The following COBLL1 variants were observed in gnomAD, a reference collection of about 807,000 sequenced individuals.
COBLL1 encodes the protein cordon-bleu WH2 repeat protein like 1, also known as cordon-bleu protein-like 1.
A neutral mutation model predicts 94.8 loss-of-function variants in COBLL1; 50 were observed. That is an observed-to-expected ratio of 0.53 (90% CI 0.42 to 0.67). The LOEUF (loss-of-function observed/expected upper bound fraction) is 0.67. Among genes scored for constraint, COBLL1 ranks in the 30% least tolerant of loss-of-function variants. The probability of loss-of-function intolerance (pLI) is 0.00; values close to 1 mark genes in which losing one functional copy is unlikely to be tolerated. For missense variants in COBLL1, 1,362 were observed against 1,348.7 expected, an observed-to-expected ratio of 1.01 and a Z score of -0.15; for synonymous variants, 448 against 473.8, an observed-to-expected ratio of 0.95 and a Z score of 0.71.
Position 164,782,113 on chromosome 2 carries a change from T to C in COBLL1, c.42-38238A>G, listed in dbSNP as rs977126631. On this transcript the variant is annotated intron_variant, in intron 2 of 13. Transcript: ENST00000652658. Reference sequence around the variant, plus strand: ...ATTACTTTGAATTGTCTTTTACTTTTATGTTTGCAATTTTATATTCCCACA... The same window carrying C: ...ATTACTTTGAATTGTCTTTTACTTTCATGTTTGCAATTTTATATTCCCACA... 2.5e-4 allele frequency among the ~76,000 whole-genome samples: 38 copies of C among 152,204 alleles called. 1 individual carries two copies. Among genetic ancestry groups the C allele is most frequent in the African/African-American group, 7.5e-4 (31 of 41,452 alleles).
At chr2:164,769,320 T>C (rs355849) in intron 2 of COBLL1, among the ~76,000 whole-genome samples, 16,168 of 152,250 alleles carry the variant, frequency 0.11, 903 homozygotes, top group Middle Eastern at 0.16. Context: ...TCAGGCTGTC[T>C]TCTAGCAATG....
intron 6 of COBLL1, 54 bp from the exon 7 acceptor site, chr2:164,722,365 G>C (rs973714694): frequency 2.7e-6 from 4 of 1,507,016 alleles, no homozygotes; most frequent in Non-Finnish European, 3.6e-6. Flanking sequence ...TTAGTAAAAA[G>C]CATTAGTAAT....
chr2:164,775,913 T>C (rs990044411), intron 2 of COBLL1, among the ~76,000 whole-genome samples: 8 of 152,280 alleles, frequency 5.3e-5, no homozygotes, highest in African/African-American at 1.7e-4. Flanking sequence ...AACTTGATAA[T>C]GCCAAAAGTG....
chr2:164,837,253 A>G (rs540300797), intron 2 of COBLL1, among the ~76,000 whole-genome samples: 1 of 151,712 alleles, frequency 6.6e-6, no homozygotes, highest in African/African-American at 2.4e-5. Context: ...TTTTTTTTTT[A>G]AAGCATATCT....
At chr2:164,726,787 A>G (rs1685742056) in intron 5 of COBLL1, among the ~76,000 whole-genome samples, 1 of 152,104 alleles carries the variant, frequency 6.6e-6, no homozygotes, top group Admixed American at 6.5e-5. Flanking sequence ...CCTCGGTACT[A>G]CCAAGCTATT....
At chr2:164,832,383 GAAAC>G (rs1683117559) in intron 2 of COBLL1, among the ~76,000 whole-genome samples, 1 of 152,054 alleles carries the variant, frequency 6.6e-6, no homozygotes, top group South Asian at 2.1e-4. Flanking sequence ...ATCACACTGA[GAAAC>G]AATGTAATTT....
At chr2:164,766,920 G>A (rs1687959292) in intron 2 of COBLL1, among the ~76,000 whole-genome samples, 1 of 152,152 alleles carries the variant, frequency 6.6e-6, no homozygotes, top group African/African-American at 2.4e-5. Flanking sequence ...TTTTGATTAT[G>A]ATTAAAACAG....
intron 1 of COBLL1, among the ~76,000 whole-genome samples, chr2:164,671,790 T>C (rs1224059936): frequency 2.0e-5 from 3 of 152,076 alleles, no homozygotes; most frequent in Admixed American, 6.5e-5. Context: ...CAGTTCTGAC[T>C]GGAGGCAGGA....
chr2:164,741,176 T>C (rs1432016720), intron 3 of COBLL1, among the ~76,000 whole-genome samples: 1 of 151,972 alleles, frequency 6.6e-6, no homozygotes, highest in Non-Finnish European at 1.5e-5. Context: ...CTTGGGACAC[T>C]GGGGCAGGAG....
chr2:164,796,240 C>T (rs1683449165), intron 2 of COBLL1, among the ~76,000 whole-genome samples: 1 of 152,142 alleles, frequency 6.6e-6, no homozygotes, highest in Non-Finnish European at 1.5e-5. Context: ...AAATGCAAAG[C>T]AAAGTCCCAA....
chr2:164,707,809 T>C (rs1684683237), intron 7 of COBLL1, among the ~76,000 whole-genome samples: 1 of 152,184 alleles, frequency 6.6e-6, no homozygotes, highest in African/African-American at 2.4e-5. Flanking sequence ...CAAGACAACG[T>C]AGGTACCTCT....
downstream of COBLL1, among the ~76,000 whole-genome samples, chr2:164,679,668 C>G (rs1682952773): frequency 6.6e-6 from 1 of 150,574 alleles, no homozygotes; most frequent in African/African-American, 2.4e-5. Flanking sequence ...TCTCGTCCCT[C>G]TTAAAAATAA....
At chr2:164,771,720 C>G (rs924842613) in intron 2 of COBLL1, among the ~76,000 whole-genome samples, 2 of 151,986 alleles carry the variant, frequency 1.3e-5, no homozygotes. Flanking sequence ...CCAACTACTG[C>G]ATGTGTCTTT....
chr2:164,779,764 G>C (rs1370615925), intron 2 of COBLL1: 1 of 470,750 alleles, frequency 2.1e-6, no homozygotes, highest in Admixed American at 2.4e-5. Flanking sequence ...TTCTTCATCA[G>C]CCTCTGTCCC....
At chr2:164,710,868 C>T (rs1684864519) in intron 7 of COBLL1, among the ~76,000 whole-genome samples, 1 of 152,148 alleles carries the variant, frequency 6.6e-6, no homozygotes, top group African/African-American at 2.4e-5. Flanking sequence ...CGGCCAGCAG[C>T]AGCATTCTTA....
In COBLL1 at chr2:164,841,366, G is replaced by C. The variant is rs1254097091; in HGVS notation, c.-50-120C>G. On this transcript the variant is annotated intron_variant, in intron 1 of 13. Transcript: ENST00000652658. The surrounding 1 kb of genome is among the most constrained non-coding windows in gnomAD (Gnocchi z 5.5). Reference sequence around the variant, plus strand: ...TCCAGCCCCGGCCGGCCCGCCTCCCGGGTGCGCTTCCACCTGCGGGCCCCG... The same window carrying C: ...TCCAGCCCCGGCCGGCCCGCCTCCCCGGTGCGCTTCCACCTGCGGGCCCCG... The C allele has an allele frequency of 8.4e-7, 1 of 1,186,996 alleles. No individual in the cohort carries two copies. Among genetic ancestry groups the C allele is most frequent in the Non-Finnish European group, 1.0e-6 (1 of 959,758 alleles). The allele number at this position is 1,186,996 out of a possible 1,614,324, so 73.5% of individuals were successfully genotyped here. A position where few individuals can be genotyped will look rare whatever the true frequency, so the allele number is the denominator to read the frequency against.
intron 2 of COBLL1, among the ~76,000 whole-genome samples, chr2:164,751,874 C>T (rs78172422): frequency 0.013 from 1,970 of 152,204 alleles, 42 homozygotes; most frequent in African/African-American, 0.045. Context: ...TTTGCCCAGA[C>T]GCTCGGTAAT....
rs761440844 is a variant in COBLL1, at chr2:164,695,434, G to GT, written c.1957dup (p.Thr653AsnfsTer30). ...GCCTTGACTCCTGAATTCCCTTGAG[G>GT]TATTTACAGAATCTTGTGAACTTAA... On this transcript the variant is annotated frameshift_variant, in exon 12 of 14. Transcript: ENST00000652658. LOFTEE classifies it high-confidence loss of function. 5.6e-6 allele frequency: 9 copies of GT among 1,613,864 alleles called. No individual in the cohort carries two copies. The East Asian group carries it at 1.8e-4, about 32-fold the overall frequency.
intron 7 of COBLL1, among the ~76,000 whole-genome samples, chr2:164,716,716 C>T (rs1485461757): frequency 1.3e-5 from 2 of 152,096 alleles, no homozygotes; most frequent in African/African-American, 4.8e-5. Context: ...GGAAACTGCA[C>T]AGTTAGTTTG....
Sources: gnomAD v4.1 joint callset for allele counts (sites outside exome capture counted in the v4.1 genomes callset) on GRCh38, gnomAD v4.1.1 for gene constraint, Gnocchi (gnomAD v3.1) non-coding constraint, MANE v1.5 for transcripts, NCBI Gene and HGNC (gene_info 2026-07-23, HGNC 2026-07-21) for gene names.